TMEM132D: variants seen among roughly 807,000 people sequenced by gnomAD.
The protein encoded by TMEM132D is mature OL transmembrane protein.
Under a neutral mutation model 62.3 loss-of-function variants are expected in TMEM132D, and 21 were observed. That is an observed-to-expected ratio of 0.34 (90% CI 0.24 to 0.49). The LOEUF (loss-of-function observed/expected upper bound fraction) is 0.49, where lower values mean the gene tolerates loss of function less well. Ranked by LOEUF, TMEM132D falls within the 20% of genes least tolerant of loss-of-function variation. TMEM132D has a pLI of 0.99. For missense variants in TMEM132D, 1,346 were observed against 1,402.8 expected (o/e 0.96, Z 0.65); for synonymous variants, 621 against 575.6 (o/e 1.08, Z -1.13).
intron 1 of TMEM132D, among the ~76,000 whole-genome samples, chr12:129,731,127 A>G (rs1394905969): frequency 6.6e-6 from 1 of 152,090 alleles, no homozygotes; most frequent in Non-Finnish European, 1.5e-5. Flanking sequence ...TTAGAGCTTT[A>G]CCATTCAGTC....
chr12:129,776,306 T>C (rs1870920959), intron 1 of TMEM132D, among the ~76,000 whole-genome samples: 1 of 152,122 alleles, frequency 6.6e-6, no homozygotes, highest in African/African-American at 2.4e-5. Context: ...GTACAGGTAA[T>C]CCCTCTGCTA....
intron 3 of TMEM132D, among the ~76,000 whole-genome samples, chr12:129,486,166 G>C (rs1874572996): frequency 6.6e-6 from 1 of 152,224 alleles, no homozygotes; most frequent in African/African-American, 2.4e-5. Context: ...CTCCCAGGAG[G>C]AGACAGCCCT....
intron 4 of TMEM132D, among the ~76,000 whole-genome samples, chr12:129,230,158 A>AT (rs1398644450): frequency 2.0e-5 from 3 of 152,230 alleles, no homozygotes; most frequent in African/African-American, 7.2e-5. Flanking sequence ...AAGGAAATGC[A>AT]TCTGAGGTCT....
At chr12:129,831,574 T>C (rs1267813602) in intron 1 of TMEM132D, among the ~76,000 whole-genome samples, 1 of 152,238 alleles carries the variant, frequency 6.6e-6, no homozygotes, top group African/African-American at 2.4e-5. Flanking sequence ...CACACGTGAA[T>C]GCTTTAGACC....
intron 1 of TMEM132D, among the ~76,000 whole-genome samples, chr12:129,796,023 G>A (rs1037697861): frequency 1.3e-5 from 2 of 151,818 alleles, no homozygotes; most frequent in South Asian, 4.2e-4. Context: ...ACATCAAATG[G>A]AAATAAATAT....
intron 2 of TMEM132D, among the ~76,000 whole-genome samples, chr12:129,571,539 C>G (rs1393473651): frequency 6.6e-6 from 1 of 151,934 alleles, no homozygotes; most frequent in Non-Finnish European, 1.5e-5. Context: ...TGCCAATGCA[C>G]TCCAGCCTGG....
At chr12:129,546,330 G>GT (rs1436271687) in intron 2 of TMEM132D, among the ~76,000 whole-genome samples, 1 of 152,056 alleles carries the variant, frequency 6.6e-6, no homozygotes, top group Non-Finnish European at 1.5e-5. Context: ...CTGAAACCCT[G>GT]TTGCTAAATG....
intron 3 of TMEM132D, among the ~76,000 whole-genome samples, chr12:129,463,136 G>A (rs984242118): frequency 1.3e-5 from 2 of 152,198 alleles, no homozygotes; most frequent in Non-Finnish European, 2.9e-5. Context: ...CCTACACAGT[G>A]CTGTCCAGAA....
At position 129,842,097 on chromosome 12, in the gene TMEM132D, ATTTTTTTTT is replaced by A. The variant is rs746315309; in HGVS notation, c.79+61155_79+61163del. On this transcript the variant is annotated intron_variant, in intron 1 of 8. Transcript: ENST00000422113. The stretch of plus-strand genomic sequence containing the variant: ...AGGCGCCCACCACCACGCCCGGCTA[ATTTTTTTTT>A]TTTTTTTTTTTTTTTGTATTTTTAG... Among the ~76,000 whole-genome samples, 43 of 97,442 alleles carry A rather than the reference ATTTTTTTTT, an allele frequency of 4.4e-4. 2 individuals are homozygous for A. The Admixed American group carries it at 4.7e-3, about 11-fold the overall frequency. 63.9% of individuals were successfully genotyped at this position (97,442 alleles called of 152,430 possible). A position where few individuals can be genotyped will look rare whatever the true frequency, so the allele number is the denominator to read the frequency against.
At chr12:129,110,995 C>T (rs11833199) in intron 5 of TMEM132D, 25,711 of 152,538 alleles carry the variant, frequency 0.17, 3,910 homozygotes, top group African/African-American at 0.4. Context: ...CTTTGTAGGT[C>T]GTCGCTGCCC....
chr12:129,608,944 CT>C (rs111562077), intron 2 of TMEM132D, among the ~76,000 whole-genome samples: 118 of 141,648 alleles, frequency 8.3e-4, no homozygotes, highest in Middle Eastern at 3.7e-3. Flanking sequence ...TCAAATTGTT[CT>C]TTTTTTTTTT....
intron 3 of TMEM132D, among the ~76,000 whole-genome samples, chr12:129,383,885 G>T (rs933199347): frequency 1.3e-5 from 2 of 152,190 alleles, no homozygotes; most frequent in African/African-American, 4.8e-5. Flanking sequence ...ACTCAGTCTG[G>T]GCAGGCCCAG....
chr12:129,522,081 A>C (rs1025162784), intron 3 of TMEM132D, among the ~76,000 whole-genome samples: 2 of 152,196 alleles, frequency 1.3e-5, no homozygotes, highest in African/African-American at 4.8e-5. Context: ...ATCTAAAGTC[A>C]TATGCCCGTA....
intron 1 of TMEM132D, chr12:129,840,558 T>C (rs1215343521): frequency 3.3e-5 from 5 of 152,206 alleles, no homozygotes; most frequent in Non-Finnish European, 7.3e-5. Context: ...TCTTAAAAAA[T>C]ATTTATGTAT....
intron 1 of TMEM132D, among the ~76,000 whole-genome samples, chr12:129,810,228 T>C (rs778896924): frequency 5.9e-5 from 9 of 152,058 alleles, no homozygotes; most frequent in Non-Finnish European, 1.3e-4. Context: ...CCATAAAAAA[T>C]AAATGAGCAA....
intron 1 of TMEM132D, among the ~76,000 whole-genome samples, chr12:129,844,550 C>T (rs1402492882): frequency 6.6e-6 from 1 of 152,182 alleles, no homozygotes; most frequent in Admixed American, 6.5e-5. Context: ...CAAAGCTCAT[C>T]GGGTTTAAAA....
intron 2 of TMEM132D, among the ~76,000 whole-genome samples, chr12:129,683,371 G>T (rs1008296941): frequency 4.6e-5 from 7 of 152,270 alleles, no homozygotes; most frequent in South Asian, 4.1e-4. Context: ...CTACATCATA[G>T]AATTGTTTTG....
intron 2 of TMEM132D, among the ~76,000 whole-genome samples, chr12:129,599,652 T>C (rs746849259): frequency 2.2e-4 from 34 of 152,220 alleles, no homozygotes; most frequent in Non-Finnish European, 4.6e-4. Flanking sequence ...TTTCTAGATA[T>C]TGTGGGTTTG....
chr12:129,508,656 T>C (rs2137072382), intron 3 of TMEM132D, among the ~76,000 whole-genome samples: 1 of 152,266 alleles, frequency 6.6e-6, no homozygotes, highest in Non-Finnish European at 1.5e-5. Context: ...CACCAGATTA[T>C]TATAAAAATT....
Sources: allele counts gnomAD v4.1 joint callset (sites outside exome capture counted in the v4.1 genomes callset), GRCh38; gene constraint gnomAD v4.1.1; transcripts MANE v1.5; gene names NCBI Gene and HGNC (gene_info 2026-07-23, HGNC 2026-07-21).